The following ADAMTS8 variants were observed in gnomAD, a reference collection of about 807,000 sequenced individuals.
The protein encoded by ADAMTS8 is ADAM metallopeptidase with thrombospondin type 1 motif 8.
A neutral mutation model predicts 64.4 loss-of-function variants in ADAMTS8; 50 were observed. The ratio of observed to expected loss-of-function variants is 0.78; its 90% confidence interval spans 0.62 to 0.98. The LOEUF (loss-of-function observed/expected upper bound fraction) is 0.98. Ranked by LOEUF, ADAMTS8 falls within the 50% of genes least tolerant of loss-of-function variation. The probability of loss-of-function intolerance (pLI) is 0.00; values close to 1 mark genes in which losing one functional copy is unlikely to be tolerated. For missense variants in ADAMTS8, 1,192 were observed against 1,208.2 expected (o/e 0.99, Z 0.20); for synonymous variants, 556 against 533.6 (o/e 1.04, Z -0.58).
intron 8 of ADAMTS8, among the ~76,000 whole-genome samples, chr11:130,407,574 C>T (rs1423073143): frequency 2.6e-5 from 4 of 151,980 alleles, no homozygotes; most frequent in African/African-American, 7.2e-5. Flanking sequence ...ACTCTGAGAC[C>T]GTGAGTGGGG....
At position 130,408,646 on chromosome 11, in the gene ADAMTS8, C is replaced by T. The variant is rs376005736; in HGVS notation, c.1924-7G>A. 1.6e-4 allele frequency: 253 copies of T among 1,613,764 alleles called. No homozygotes were observed. Among genetic ancestry groups the T allele is most frequent in the African/African-American group, 2.1e-4 (16 of 75,022 alleles). The stretch of plus-strand genomic sequence containing the variant: ...ACAGGGTGCCATCAATCACCTGCAA[C>T]GGGGAAAGGGAAGGTGAGGGAGGGC... On this transcript the variant is annotated splice_polypyrimidine_tract_variant and splice_region_variant and intron_variant, in intron 7 of 8. Transcript: ENST00000257359.
At chr11:130,409,452 C>T (rs192828213) in intron 6 of ADAMTS8, among the ~76,000 whole-genome samples, 1 of 152,298 alleles carries the variant, frequency 6.6e-6, no homozygotes, top group African/African-American at 2.4e-5. Context: ...TGATTACCTC[C>T]AACTCAGCAT....
Position 130,411,196 on chromosome 11 carries a change from G to A in ADAMTS8, c.1750+221C>T, listed in dbSNP as rs1409695773. ...CTCTGAACACTATGAGAGCTGTCCC[G>A]GGTCCCTGAGAGCTGCCCCTGGGAT... On this transcript the variant is annotated intron_variant, in intron 6 of 8. Transcript: ENST00000257359. This position sits in a 1 kb window ranked among gnomAD's most constrained non-coding sequence, Gnocchi z 4.2. Among the ~76,000 whole-genome samples, 1 of 151,966 alleles carries A rather than the reference G, an allele frequency of 6.6e-6. No homozygotes were observed.
Position 130,428,095 on chromosome 11 carries a change from G to C in ADAMTS8, c.192C>G (p.Phe64Leu). The change falls in exon 1 of 9, where the codon TTC (phenylalanine) becomes TTG (leucine). Residue 64 changes from phenylalanine to leucine, a missense_variant. Coordinates refer to ENST00000257359, the MANE Select transcript of ADAMTS8 (RefSeq NM_007037.6). The part of the protein sequence containing the change: ...ALHLSAFGKG[F>L]VLRLAPDDSF... ...TGTCGTCGGGCGCCAGGCGCAGCAC[G>C]AAGCCCTTGCCGAAGGCGGACAGGT... The C allele has an allele frequency of 3.9e-6, 6 of 1,535,494 alleles. No homozygotes were observed. The highest frequency in any genetic ancestry group is 5.2e-6 in the Non-Finnish European group (6 of 1,150,482).
Position 130,405,201 on chromosome 11 carries a change from G to A in ADAMTS8, c.*357C>T, listed in dbSNP as rs1289425163. Reference sequence around the variant, plus strand: ...CCTGTGAGGTAGATTATTTATCGGGGAAACCAGATAGAATTTTTTTTTTCA... The same window carrying A: ...CCTGTGAGGTAGATTATTTATCGGGAAAACCAGATAGAATTTTTTTTTTCA... On this transcript the variant is annotated 3_prime_UTR_variant, in exon 9 of 9. Coordinates refer to ENST00000257359, the MANE Select transcript of ADAMTS8 (RefSeq NM_007037.6). 9.6e-7 allele frequency: 1 copy of A among 1,041,860 alleles called. No individual in the cohort carries two copies. The highest frequency in any genetic ancestry group is 7.6e-5 in the East Asian group (1 of 13,190). 64.5% of individuals were successfully genotyped at this position (1,041,860 alleles called of 1,614,324 possible). A position where few individuals can be genotyped will look rare whatever the true frequency, so the allele number is the denominator to read the frequency against.
At position 130,428,203 on chromosome 11, in the gene ADAMTS8, C is replaced by T. The variant is rs2134697149; in HGVS notation, c.84G>A (p.Pro28=). The T allele has an allele frequency of 8.0e-7, 1 of 1,247,518 alleles. No homozygotes were observed. Among genetic ancestry groups the T allele is most frequent in the Non-Finnish European group, 1.0e-6 (1 of 1,003,352 alleles). The allele number at this position is 1,247,518 out of a possible 1,614,324, so 77.3% of individuals were successfully genotyped here. A position where few individuals can be genotyped will look rare whatever the true frequency, so the allele number is the denominator to read the frequency against. ...LLLLPLARGA[P]ARPAAGGQAS... Reference sequence around the variant, plus strand: ...CCTGCCCCCCGGCTGCGGGCCGGGCCGGGGCGCCGCGGGCCAGCGGCAGCA... The same window carrying T: ...CCTGCCCCCCGGCTGCGGGCCGGGCTGGGGCGCCGCGGGCCAGCGGCAGCA... Residue 28 remains proline, a synonymous_variant, in exon 1 of 9, where the codon CCG becomes CCA. Transcript: ENST00000257359.
chr11:130,405,505 G>A lies in ADAMTS8; in HGVS notation c.*53C>T, dbSNP rs909039594. 5.2e-6 allele frequency: 8 copies of A among 1,530,616 alleles called. No individual in the cohort carries two copies. The highest frequency in any genetic ancestry group is 7.0e-6 in the Non-Finnish European group (8 of 1,141,948). The allele number at this position is 1,530,616 out of a possible 1,614,324, so 94.8% of individuals were successfully genotyped here. ...GTCACCACAGTGGAGACCCTTGTCT[G>A]CACCTCAGTACCGCATGTCCAGGAG... On this transcript the variant is annotated 3_prime_UTR_variant, in exon 9 of 9. Transcript: ENST00000257359.
intron 4 of ADAMTS8, among the ~76,000 whole-genome samples, chr11:130,415,047 C>T (rs1318742949): frequency 2.6e-5 from 4 of 152,196 alleles, no homozygotes. Context: ...CTTTGCTGTC[C>T]TGAACATCTA....
At chr11:130,422,679 C>A (rs1255855136) in intron 1 of ADAMTS8, among the ~76,000 whole-genome samples, 6 of 152,230 alleles carry the variant, frequency 3.9e-5, no homozygotes, top group Admixed American at 2.6e-4. Context: ...TCCTCTTGTT[C>A]TGCAAGCAGC....
At position 130,428,298 on chromosome 11, in the gene ADAMTS8, C is replaced by T. The variant is rs765787120; in HGVS notation, c.-12G>A. 157 of 1,240,580 alleles carry T rather than the reference C, an allele frequency of 1.3e-4. 1 individual carries two copies. The African/African-American group carries it at 2.3e-3, about 18-fold the overall frequency. The allele number at this position is 1,240,580 out of a possible 1,614,324, so 76.8% of individuals were successfully genotyped here. A position where few individuals can be genotyped will look rare whatever the true frequency, so the allele number is the denominator to read the frequency against. ...GGGGCGGGGAGCATGGGGGCTGCGG[C>T]GGTGGCTGCGCGCAGGAGAGGGAAG... On this transcript the variant is annotated 5_prime_UTR_variant, in exon 1 of 9. Coordinates refer to ENST00000257359, the MANE Select transcript of ADAMTS8 (RefSeq NM_007037.6).
At chr11:130,414,409 TG>T in intron 5 of ADAMTS8, 121 bp downstream of exon 5, 2 of 1,253,494 alleles carry the variant, frequency 1.6e-6, no homozygotes, top group Non-Finnish European at 2.2e-6. Context: ...CCGCTCTGCC[TG>T]GCTGTCTCTC....
Position 130,416,432 on chromosome 11 carries a change from C to G in ADAMTS8, c.1097-102G>C, listed in dbSNP as rs1862025942. On this transcript the variant is annotated intron_variant, in intron 3 of 8. Coordinates refer to ENST00000257359, the MANE Select transcript of ADAMTS8 (RefSeq NM_007037.6). This position sits in a 1 kb window ranked among gnomAD's most constrained non-coding sequence, Gnocchi z 4.8. ...GGAGCTCCTCAGGGGAGCAGCCACCCCCTCACTCTCCGAAGATTTCTGCGT... is the reference window on the plus strand; with the variant it reads ...GGAGCTCCTCAGGGGAGCAGCCACCGCCTCACTCTCCGAAGATTTCTGCGT... The G allele has an allele frequency of 5.4e-6, 7 of 1,292,782 alleles. No individual in the cohort carries two copies. Among genetic ancestry groups the G allele is most frequent in the Non-Finnish European group, 6.2e-6 (6 of 969,540 alleles). The allele number at this position is 1,292,782 out of a possible 1,614,324, so 80.1% of individuals were successfully genotyped here.
At chr11:130,422,453 C>T (rs1028364199) in intron 1 of ADAMTS8, among the ~76,000 whole-genome samples, 3 of 152,000 alleles carry the variant, frequency 2.0e-5, no homozygotes, top group Non-Finnish European at 2.9e-5. Flanking sequence ...TACATCCAGC[C>T]GGTTTGCGCT....
At position 130,416,545 on chromosome 11, in the gene ADAMTS8, G is replaced by A. The variant is rs932849443; in HGVS notation, c.1097-215C>T. Among the ~76,000 whole-genome samples the A allele has an allele frequency of 8.5e-5, 13 of 152,306 alleles. No homozygotes were observed. Among genetic ancestry groups the A allele is most frequent in the East Asian group, 1.9e-4 (1 of 5,180 alleles). ...ACCCCTTTATTTTCTGCCTCAGCCC[G>A]TCCTGAATTTGGATCTAGCTCTGTT... On this transcript the variant is annotated intron_variant, in intron 3 of 8. Coordinates refer to ENST00000257359, the MANE Select transcript of ADAMTS8 (RefSeq NM_007037.6). This position sits in a 1 kb window ranked among gnomAD's most constrained non-coding sequence, Gnocchi z 4.8.
In ADAMTS8 at chr11:130,428,222, GGCAGCAGCA is replaced by G. The variant is rs10548872; in HGVS notation, c.56_64del (p.Leu19_Leu21del). The G allele has an allele frequency of 4.6e-5, 55 of 1,199,560 alleles. No individual in the cohort carries two copies. The highest frequency in any genetic ancestry group is 9.1e-5 in the Admixed American group (2 of 22,062). The allele number at this position is 1,199,560 out of a possible 1,614,324, so 74.3% of individuals were successfully genotyped here. On this transcript the variant is annotated inframe_deletion, in exon 1 of 9. Coordinates refer to ENST00000257359, the MANE Select transcript of ADAMTS8 (RefSeq NM_007037.6). ...CCGGGCCGGGGCGCCGCGGGCCAGC[GGCAGCAGCA>G]GCAGCAGCAGCAGCAGGAGCGGAGG...
Position 130,406,006 on chromosome 11 carries a change from T to C in ADAMTS8, c.2222A>G (p.Gln741Arg). Residue 741 changes from glutamine to arginine, a missense_variant, in exon 9 of 9, where the codon CAG becomes CGG. Physicochemically the swap from Gln to Arg is conservative, Grantham distance 43 (BLOSUM62 1). Transcript: ENST00000257359. ...NYLALKTADG[Q>R]YLLNGNLAIS... ...GGCCAGGTTGCCGTTGAGCAGGTAC[T>C]GCCCATCAGCCGTCTTCAGCGCCAG... The C allele has an allele frequency of 6.2e-7, 1 of 1,614,242 alleles. No individual in the cohort carries two copies. The highest frequency in any genetic ancestry group is 8.5e-7 in the Non-Finnish European group (1 of 1,180,036).
In ADAMTS8 at chr11:130,416,639, A is replaced by G. The variant is rs1233076251; in HGVS notation, c.1096+301T>C. ...CCAGATCCCACGGCTTAGCTTGTGC[A>G]CAGCTCCACGCCTCCACCCCAGCAC... On this transcript the variant is annotated intron_variant, in intron 3 of 8. Coordinates refer to ENST00000257359, the MANE Select transcript of ADAMTS8 (RefSeq NM_007037.6). This position sits in a 1 kb window ranked among gnomAD's most constrained non-coding sequence, Gnocchi z 4.8. Among the ~76,000 whole-genome samples, 2 of 152,100 alleles carry G rather than the reference A, an allele frequency of 1.3e-5. No homozygotes were observed. The highest frequency in any genetic ancestry group is 2.9e-5 in the Non-Finnish European group (2 of 68,008).
Position 130,405,675 on chromosome 11 carries a change from G to C in ADAMTS8, c.2553C>G (p.Gly851=), listed in dbSNP as rs1348391614. ...WSECSSTCGA[G]WQRRTVECRD... is the part of the protein sequence containing the mutation. ...TGCACTCTACAGTTCGCCTCTGCCAGCCGGCCCCGCAGGTGCTAGAGCACT... is the reference window on the plus strand; with the variant it reads ...TGCACTCTACAGTTCGCCTCTGCCACCCGGCCCCGCAGGTGCTAGAGCACT... Residue 851 remains glycine (G), a synonymous_variant, in exon 9 of 9, where the codon GGC becomes GGG. Transcript: ENST00000257359. 6.2e-7 allele frequency: 1 copy of C among 1,614,058 alleles called. No homozygotes were observed.
At position 130,425,802 on chromosome 11, in the gene ADAMTS8, C is replaced by T. The variant is rs148086082; in HGVS notation, c.720+1765G>A. Among the ~76,000 whole-genome samples, 1,026 of 152,046 alleles carry T rather than the reference C, an allele frequency of 6.7e-3. 16 individuals carry two copies. The highest frequency in any genetic ancestry group is 0.023 in the African/African-American group (946 of 41,452). ...ATTTTTAGTAGAGACGGGGTTTCAC[C>T]GTGTTAGCCAGGATGGTCTTGATCT... On this transcript the variant is annotated intron_variant, in intron 1 of 8. Transcript: ENST00000257359.
Sources: allele counts gnomAD v4.1 joint callset (sites outside exome capture counted in the v4.1 genomes callset), GRCh38; gene constraint gnomAD v4.1.1; non-coding constraint Gnocchi (gnomAD v3.1); transcripts MANE v1.5; gene names NCBI Gene and HGNC (gene_info 2026-07-23, HGNC 2026-07-21).